The following DLG2 variants were observed in gnomAD, a reference collection of about 807,000 sequenced individuals.
DLG2 encodes the protein disks large homolog 2.
In DLG2, 45 loss-of-function variants were observed where a neutral mutation model predicts 132.5. The ratio of observed to expected loss-of-function variants is 0.34; its 90% CI spans 0.27 to 0.44. DLG2 has a LOEUF of 0.44. Among genes scored for constraint, DLG2 ranks in the 20% least tolerant of loss-of-function variants. The pLI is 1.00. For missense variants in DLG2, 1,045 were observed against 1,196.9 expected (o/e 0.87, Z 1.87); for synonymous variants, 424 against 419.6 (o/e 1.01, Z -0.13).
intron 6 of DLG2, among the ~76,000 whole-genome samples, chr11:85,099,152 G>A (rs2070429175): frequency 6.6e-6 from 1 of 152,200 alleles, no homozygotes; most frequent in Admixed American, 6.5e-5. Context: ...AATCTGCAGA[G>A]CTCCTGCGTA....
At chr11:85,046,399 A>T (rs780743596) in intron 6 of DLG2, among the ~76,000 whole-genome samples, 1 of 152,042 alleles carries the variant, frequency 6.6e-6, no homozygotes, top group Non-Finnish European at 1.5e-5. Context: ...GATAGGCTAG[A>T]AACTTTTCAG....
chr11:83,855,710 A>C (rs1286896872), intron 16 of DLG2, among the ~76,000 whole-genome samples: 1 of 152,068 alleles, frequency 6.6e-6, no homozygotes, highest in Non-Finnish European at 1.5e-5. Flanking sequence ...TTTTTAAAAA[A>C]CTTTTAAGTT....
chr11:84,118,378 T>A (rs144311466), intron 9 of DLG2, among the ~76,000 whole-genome samples: 3 of 152,242 alleles, frequency 2.0e-5, no homozygotes, highest in African/African-American at 7.2e-5. Context: ...AATTCCCTAA[T>A]CACAGGCAAA....
In DLG2 at chr11:83,626,696, A is replaced by G. The variant is rs541464069; in HGVS notation, c.1940+6515T>C. Among the ~76,000 whole-genome samples, 140 of 152,288 alleles carry G rather than the reference A, an allele frequency of 9.2e-4. 1 individual carries two copies. Among genetic ancestry groups the G allele is most frequent in the South Asian group, 8.5e-3 (41 of 4,830 alleles). On this transcript the variant is annotated intron_variant, in intron 19 of 27. Transcript: ENST00000376104. ...GAAAGGGGTGAAGAATGCCGAGGGG[A>G]AATAGAAGAAATCATGTGGTTAGGA...
At chr11:84,578,912 T>C (rs1305608038) in intron 6 of DLG2, among the ~76,000 whole-genome samples, 4 of 152,138 alleles carry the variant, frequency 2.6e-5, no homozygotes, top group African/African-American at 9.7e-5. Flanking sequence ...GGGGAGGTAA[T>C]TGAATCATGG....
intron 15 of DLG2, among the ~76,000 whole-genome samples, chr11:83,878,651 G>A (rs2065367687): frequency 3.3e-5 from 5 of 152,130 alleles, no homozygotes; most frequent in Admixed American, 3.3e-4. Flanking sequence ...ACTTAATAAA[G>A]GAACTTCTCT....
chr11:85,388,842 C>G (rs185625252), intron 3 of DLG2, among the ~76,000 whole-genome samples: 2 of 152,134 alleles, frequency 1.3e-5, no homozygotes, highest in African/African-American at 2.4e-5. Flanking sequence ...ACAAAAAAAT[C>G]GGAACAGAAG....
At chr11:83,663,938 G>C (rs537840845) in intron 18 of DLG2, among the ~76,000 whole-genome samples, 1 of 152,184 alleles carries the variant, frequency 6.6e-6, no homozygotes, top group Non-Finnish European at 1.5e-5. Context: ...TAAAAAGAGT[G>C]TCACATTTGG....
At chr11:84,377,604 A>C (rs1317952776) in intron 7 of DLG2, among the ~76,000 whole-genome samples, 2 of 152,084 alleles carry the variant, frequency 1.3e-5, no homozygotes, top group Non-Finnish European at 2.9e-5. Context: ...ATAAAAAGAA[A>C]GAAGAAGAAC....
At chr11:83,580,900 C>T (rs1481712912) in intron 19 of DLG2, among the ~76,000 whole-genome samples, 3 of 80,648 alleles carry the variant, frequency 3.7e-5, no homozygotes, top group Admixed American at 2.1e-4. Context: ...CCTCCCTTCC[C>T]CTCCCCTCCC....
chr11:83,712,266 C>G (rs760092900), intron 18 of DLG2, among the ~76,000 whole-genome samples: 2 of 152,054 alleles, frequency 1.3e-5, no homozygotes, highest in Non-Finnish European at 2.9e-5. Context: ...ACCTAAATGC[C>G]CATCAATGAT....
chr11:85,109,861 A>T (rs780259624), intron 6 of DLG2, among the ~76,000 whole-genome samples: 1 of 152,128 alleles, frequency 6.6e-6, no homozygotes, highest in Non-Finnish European at 1.5e-5. Context: ...TTAAAGAATG[A>T]TGAAGAGGAG....
chr11:84,656,273 A>T (rs544371588), intron 6 of DLG2, among the ~76,000 whole-genome samples: 1 of 152,170 alleles, frequency 6.6e-6, no homozygotes. Flanking sequence ...TGAAGTATTC[A>T]GAAATATATC....
chr11:85,579,673 ATG>A (rs1399322481), intron 3 of DLG2, among the ~76,000 whole-genome samples: 2 of 152,002 alleles, frequency 1.3e-5, no homozygotes, highest in Non-Finnish European at 2.9e-5. Context: ...ATGAAAAGGC[ATG>A]AACTGTGAGG....
intron 7 of DLG2, among the ~76,000 whole-genome samples, chr11:84,415,084 G>A (rs1377962150): frequency 2.6e-5 from 4 of 152,124 alleles, no homozygotes; most frequent in Non-Finnish European, 5.9e-5. Context: ...AGAGGATTAT[G>A]CAATGTGCAC....
In DLG2 at chr11:83,749,584, G is replaced by A. The variant is rs545536175; in HGVS notation, c.1825+37106C>T. Among the ~76,000 whole-genome samples the A allele has an allele frequency of 2.4e-4, 37 of 152,264 alleles. 1 individual carries two copies. In the South Asian group the frequency reaches 7.1e-3, roughly 29 times the overall value. ...CTGCACACAGAGCCCCCACCCAGCA[G>A]CTGTATTTCCAGCCTGCACCCCAGC... On this transcript the variant is annotated intron_variant, in intron 18 of 27. Transcript: ENST00000376104.
At chr11:84,060,929 A>G (rs1170339321) in intron 10 of DLG2, among the ~76,000 whole-genome samples, 1 of 151,966 alleles carries the variant, frequency 6.6e-6, no homozygotes, top group Admixed American at 6.6e-5. Flanking sequence ...CAGGTGAACC[A>G]CCTCCACAAA....
intron 3 of DLG2, among the ~76,000 whole-genome samples, chr11:85,337,341 C>T (rs1436823978): frequency 6.6e-6 from 1 of 152,118 alleles, no homozygotes; most frequent in Non-Finnish European, 1.5e-5. Flanking sequence ...GTCTCGGCTT[C>T]CCAAAGTGTT....
At chr11:84,901,079 AAAGCAATTAATAGAC>A (rs2154070547) in intron 6 of DLG2, among the ~76,000 whole-genome samples, 1 of 152,230 alleles carries the variant, frequency 6.6e-6, no homozygotes, top group South Asian at 2.1e-4. Context: ...TGTAAAAGAA[AAAGCAATTAATAGAC>A]ATTTAAAAAT....
Sources: allele counts gnomAD v4.1 joint callset (sites outside exome capture counted in the v4.1 genomes callset), GRCh38; gene constraint gnomAD v4.1.1; transcripts MANE v1.5; gene names NCBI Gene and HGNC (gene_info 2026-07-23, HGNC 2026-07-21).